Variants in TLR4 observed in about 807,000 individuals in gnomAD.
The protein encoded by TLR4 is toll-like receptor 4.
A neutral mutation model predicts 27.4 loss-of-function variants in TLR4; 17 were observed. The ratio of observed to expected loss-of-function variants is 0.62; its 90% confidence interval spans 0.42 to 0.93. TLR4 has a LOEUF of 0.93. TLR4 is among the 40% of genes least tolerant of loss of function. The pLI is 0.00. For missense variants in TLR4, 926 were observed against 962.3 expected, an observed-to-expected ratio of 0.96 and a Z score of 0.50; for synonymous variants, 363 against 365.7, an observed-to-expected ratio of 0.99 and a Z score of 0.08.
intron 1 of TLR4, among the ~76,000 whole-genome samples, chr9:117,707,059 A>C (rs1370957185): frequency 1.3e-5 from 2 of 152,218 alleles, no homozygotes; most frequent in African/African-American, 4.8e-5. Context: ...CAGTGGGCAA[A>C]CCCATCAAAC....
At chr9:117,709,013 C>T (rs11536875) in intron 2 of TLR4, 5,629 of 383,906 alleles carry the variant, frequency 0.015, 295 homozygotes, top group African/African-American at 0.11. Context: ...TAAATTCTTT[C>T]ATAAGCAGCT....
chr9:117,714,760 T>C lies in TLR4; in HGVS notation c.*112T>C. ...TGTCAGGCCTTATGCTAAGGGTGAG[T>C]AATTCCATGGTGCACTAGATATGCA... On this transcript the variant is annotated 3_prime_UTR_variant, in exon 3 of 3. Transcript: ENST00000355622. The C allele has an allele frequency of 1.1e-6, 1 of 919,802 alleles. No individual in the cohort carries two copies. Among genetic ancestry groups the C allele is most frequent in the Non-Finnish European group, 1.7e-6 (1 of 581,604 alleles). The allele number at this position is 919,802 out of a possible 1,614,324, so 57.0% of individuals were successfully genotyped here.
rs141943958 is a variant in TLR4, at chr9:117,712,400, A to G, written c.272A>G (p.Gln91Arg). Reference sequence around the variant, plus strand: ...TTTTATTCCTGTAGGTGTGAAATCCAGACAATTGAAGATGGGGCATATCAG... The same window carrying G: ...TTTTATTCCTGTAGGTGTGAAATCCGGACAATTGAAGATGGGGCATATCAG... ...QVLDLSRCEI[Q>R]TIEDGAYQSL... is the part of the protein sequence containing the mutation. Residue 91 changes from glutamine to arginine, a missense_variant, in exon 3 of 3, where the codon CAG becomes CGG. By Grantham distance (43) the Gln-to-Arg change is conservative (BLOSUM62 1). Transcript: ENST00000355622. 614 of 1,613,802 alleles carry G rather than the reference A, an allele frequency of 3.8e-4. No individual in the cohort carries two copies. Among genetic ancestry groups the G allele is most frequent in the Non-Finnish European group, 4.6e-4 (547 of 1,179,818 alleles).
In TLR4 at chr9:117,704,422, C is replaced by T. The variant is rs755617019; in HGVS notation, c.-51C>T. ...TCGGTCAGACGGTGATAGCGAGCCA[C>T]GCATTCACAGGGCCACTGCTGCTCA... On this transcript the variant is annotated 5_prime_UTR_variant, in exon 1 of 3. In the 5' UTR this introduces an upstream ATG that the reference lacks. Transcript: ENST00000355622. The T allele has an allele frequency of 2.6e-6, 4 of 1,547,922 alleles. No homozygotes were observed. In the African/African-American group the frequency reaches 5.4e-5, roughly 21 times the overall value.
rs1019828498 is a variant in TLR4 at position 117,724,198 on chromosome 9, G to A, written c.*9550G>A. ...GGTCAAGCCGCTCCCTTCCTGAGCT[G>A]TGGCATCTGTCTCTAAATCATGCTT... is the stretch of plus-strand genomic sequence containing the variant. On this transcript the variant is annotated 3_prime_UTR_variant, in exon 3 of 3. Transcript: ENST00000355622. 7.2e-5 allele frequency: 11 copies of A among 152,306 alleles called. No individual in the cohort carries two copies. Among genetic ancestry groups the A allele is most frequent in the African/African-American group, 2.7e-4 (11 of 41,444 alleles). The allele number at this position is 152,306 out of a possible 1,614,324, so 9.4% of individuals were successfully genotyped here.
Position 117,713,724 on chromosome 9 carries a change from C to A in TLR4, c.1596C>A (p.Phe532Leu), listed in dbSNP as rs34953464. 2 of 1,614,016 alleles carry A rather than the reference C, an allele frequency of 1.2e-6. No individual in the cohort carries two copies. The highest frequency in any genetic ancestry group is 1.7e-6 in the Non-Finnish European group (2 of 1,180,010). Residue 532 changes from phenylalanine (F) to leucine (L), a missense_variant, in exon 3 of 3, where the codon TTC becomes TTA. Phe to Leu is a conservative substitution (Grantham distance 22). Coordinates refer to ENST00000355622, the MANE Select transcript of TLR4 (RefSeq NM_138554.5). ...LQVLNMSHNNFFSLDTFPYKC... is the reference protein window; with the variant it reads ...LQVLNMSHNNLFSLDTFPYKC... ...TACTAAATATGAGCCACAACAACTT[C>A]TTTTCATTGGATACGTTTCCTTATA...
intron 1 of TLR4, chr9:117,708,263 A>T: frequency 8.6e-7 from 1 of 1,160,362 alleles, no homozygotes; most frequent in Non-Finnish European, 1.1e-6. Flanking sequence ...CCGGAGCCTC[A>T]GCCCTTCACC....
In TLR4 at chr9:117,714,132, T is replaced by C. The variant is rs757865481; in HGVS notation, c.2004T>C (p.Gly668=). 6.2e-7 allele frequency: 1 copy of C among 1,614,082 alleles called. No individual in the cohort carries two copies. The highest frequency in any genetic ancestry group is 1.1e-5 in the South Asian group (1 of 91,080). Residue 668 remains glycine, a synonymous_variant, in exon 3 of 3, where the codon GGT becomes GGC. Coordinates refer to ENST00000355622, the MANE Select transcript of TLR4 (RefSeq NM_138554.5). ...TTCTTGCTGGCTGCATAAAGTATGG[T>C]AGAGGTGAAAACATCTATGATGCCT... The part of the protein sequence containing the change: ...LMLLAGCIKY[G]RGENIYDAFV...
chr9:117,714,579 T>C lies in TLR4; in HGVS notation c.2451T>C (p.Asp817=), dbSNP rs763338323. The change falls in exon 3 of 3, where the codon GAT becomes GAC. Residue 817 remains aspartate, a synonymous_variant. Transcript: ENST00000355622. ...GACGACTCAGAAAAGCCCTGCTGGA[T>C]GGTAAATCATGGAATCCAGAAGGAA... is the stretch of plus-strand genomic sequence containing the variant. The part of the protein sequence containing the change: ...FWRRLRKALL[D]GKSWNPEGTV... The C allele has an allele frequency of 1.2e-6, 2 of 1,613,714 alleles. No individual in the cohort carries two copies. Among genetic ancestry groups the C allele is most frequent in the Non-Finnish European group, 1.7e-6 (2 of 1,179,962 alleles).
chr9:117,714,462 G>GC lies in TLR4; in HGVS notation c.2335dup (p.Leu779ProfsTer41), dbSNP rs1348248084. On this transcript the variant is annotated frameshift_variant, in exon 3 of 3. Coordinates refer to ENST00000355622, the MANE Select transcript of TLR4 (RefSeq NM_138554.5). LOFTEE classifies it high-confidence loss of function. ...TCCTGCAGAAGGTGGAGAAGACCCT[G>GC]CTCAGGCAGCAGGTGGAGCTGTACC... 1 of 1,613,768 alleles carries GC rather than the reference G, an allele frequency of 6.2e-7. No individual in the cohort carries two copies. The highest frequency in any genetic ancestry group is 1.3e-5 in the African/African-American group (1 of 74,922).
rs552129232 is a variant in TLR4 at position 117,710,210 on chromosome 9, G to T, written c.260+1481G>T. On this transcript the variant is annotated intron_variant, in intron 2 of 2. Transcript: ENST00000355622. ...AATAGTTAGTTTTTCAACCCTTGCTGCTTTCTCTCTATCCCCTCTCTAGTA... is the reference window on the plus strand; with the variant it reads ...AATAGTTAGTTTTTCAACCCTTGCTTCTTTCTCTCTATCCCCTCTCTAGTA... 2.0e-5 allele frequency among the ~76,000 whole-genome samples: 3 copies of T among 152,048 alleles called. No homozygotes were observed. In the East Asian group the frequency reaches 5.8e-4, roughly 29 times the overall value.
Position 117,713,148 on chromosome 9 carries a change from T to G in TLR4, c.1020T>G (p.Cys340Trp), listed in dbSNP as rs1216019140. ...FGWQHLELVN[C>W]KFGQFPTLKL... is the part of the protein sequence containing the mutation. The stretch of plus-strand genomic sequence containing the variant: ...GGCAACATTTAGAATTAGTTAACTG[T>G]AAATTTGGACAGTTTCCCACATTGA... Residue 340 changes from cysteine to tryptophan, a missense_variant, in exon 3 of 3, where the codon TGT becomes TGG. Transcript: ENST00000355622. The G allele has an allele frequency of 6.2e-7, 1 of 1,613,484 alleles. No individual in the cohort carries two copies. The highest frequency in any genetic ancestry group is 1.7e-5 in the Admixed American group (1 of 59,928).
At position 117,721,681 on chromosome 9, in the gene TLR4, CAG is replaced by C. The variant is rs1453379709; in HGVS notation, c.*7036_*7037del. On this transcript the variant is annotated 3_prime_UTR_variant, in exon 3 of 3. Transcript: ENST00000355622. ...ATTGCTAGAAATTCTGGTTCAATATCAGAGGTTAGTCCTAAGGAATTTATATT... is the reference window on the plus strand; with the variant it reads ...ATTGCTAGAAATTCTGGTTCAATATCAGGTTAGTCCTAAGGAATTTATATT... The C allele has an allele frequency of 6.6e-6, 1 of 152,136 alleles. No individual in the cohort carries two copies. Among genetic ancestry groups the C allele is most frequent in the Non-Finnish European group, 1.5e-5 (1 of 68,036 alleles). The allele number at this position is 152,136 out of a possible 1,614,324, so 9.4% of individuals were successfully genotyped here.
In TLR4 at chr9:117,717,480, C is replaced by G. The variant is rs766320866; in HGVS notation, c.*2832C>G. On this transcript the variant is annotated 3_prime_UTR_variant, in exon 3 of 3. Coordinates refer to ENST00000355622, the MANE Select transcript of TLR4 (RefSeq NM_138554.5). ...ATGTGAATGTGATCTCTTTCTTTCT[C>G]TCTCTCAAAATATCTTACTGTACTG... The G allele has an allele frequency of 6.6e-6, 1 of 151,298 alleles. No individual in the cohort carries two copies. Among genetic ancestry groups the G allele is most frequent in the East Asian group, 2.0e-4 (1 of 5,102 alleles). The allele number at this position is 151,298 out of a possible 1,614,324, so 9.4% of individuals were successfully genotyped here. A position where few individuals can be genotyped will look rare whatever the true frequency, so the allele number is the denominator to read the frequency against.
At chr9:117,704,600 C>A in intron 1 of TLR4, 35 bp downstream of exon 1, 1 of 1,581,200 alleles carries the variant, frequency 6.3e-7, no homozygotes, top group Non-Finnish European at 8.7e-7. Context: ...TGAACTTTCC[C>A]TCACTTCTGC....
At chr9:117,704,686 C>A in intron 1 of TLR4, 121 bp downstream of exon 1, 1 of 845,290 alleles carries the variant, frequency 1.2e-6, no homozygotes, top group South Asian at 1.5e-5. Flanking sequence ...CTTAAAGACT[C>A]AAGAAGCCAC....
chr9:117,721,958 A>T lies in TLR4; in HGVS notation c.*7310A>T, dbSNP rs1046816533. 6.6e-5 allele frequency: 10 copies of T among 152,214 alleles called. No individual in the cohort carries two copies. The highest frequency in any genetic ancestry group is 2.4e-4 in the African/African-American group (10 of 41,454). 9.4% of individuals were successfully genotyped at this position (152,214 alleles called of 1,614,324 possible). A position where few individuals can be genotyped will look rare whatever the true frequency, so the allele number is the denominator to read the frequency against. On this transcript the variant is annotated 3_prime_UTR_variant, in exon 3 of 3. Transcript: ENST00000355622. ...GATTGGCCTATTTGATGGTGAGCTCACTACATCCATTTAGATGTTGTGTCC... is the reference window on the plus strand; with the variant it reads ...GATTGGCCTATTTGATGGTGAGCTCTCTACATCCATTTAGATGTTGTGTCC...
In TLR4 at chr9:117,717,490, A is replaced by G. The variant is rs939611737; in HGVS notation, c.*2842A>G. The G allele has an allele frequency of 3.3e-5, 5 of 150,984 alleles. No homozygotes were observed. Among genetic ancestry groups the G allele is most frequent in the African/African-American group, 1.2e-4 (5 of 41,194 alleles). 9.4% of individuals were successfully genotyped at this position (150,984 alleles called of 1,614,324 possible). Reference sequence around the variant, plus strand: ...GATCTCTTTCTTTCTCTCTCTCAAAATATCTTACTGTACTGTACTCACCTA... The same window carrying G: ...GATCTCTTTCTTTCTCTCTCTCAAAGTATCTTACTGTACTGTACTCACCTA... On this transcript the variant is annotated 3_prime_UTR_variant, in exon 3 of 3. Transcript: ENST00000355622.
At chr9:117,710,014 AT>A (rs1181932971) in intron 2 of TLR4, among the ~76,000 whole-genome samples, 2 of 152,026 alleles carry the variant, frequency 1.3e-5, no homozygotes, top group Non-Finnish European at 2.9e-5. Flanking sequence ...ATATATTTAA[AT>A]TTTTATAAAA....
Sources: allele counts gnomAD v4.1 joint callset (sites outside exome capture counted in the v4.1 genomes callset), GRCh38; gene constraint gnomAD v4.1.1; transcripts MANE v1.5; gene names NCBI Gene and HGNC (gene_info 2026-07-23, HGNC 2026-07-21).